GRIA3: variants seen among roughly 807,000 people sequenced by gnomAD.
The protein encoded by GRIA3 is glutamate receptor 3.
In GRIA3, 3 loss-of-function variants were observed where a neutral mutation model predicts 63.0. The ratio of observed to expected loss-of-function variants is 0.05; its 90% CI spans 0.02 to 0.12. The LOEUF (loss-of-function observed/expected upper bound fraction) is 0.12. Among genes scored for constraint, GRIA3 ranks in the 10% least tolerant of loss-of-function variants. The probability of loss-of-function intolerance (pLI) is 1.00; values close to 1 mark genes in which losing one functional copy is unlikely to be tolerated. For synonymous variants in GRIA3, 274 were observed against 257.9 expected, an observed-to-expected ratio of 1.06 and a Z score of -0.60; for missense variants, 347 against 700.9, an observed-to-expected ratio of 0.50 and a Z score of 5.70.
At chrX:123,244,452 G>A (rs2044346930) in intron 2 of GRIA3, among the ~76,000 whole-genome samples, 1 of 112,587 alleles carries the variant, frequency 8.9e-6, no homozygotes, top group African/African-American at 3.2e-5. Flanking sequence ...GCAGGATCAG[G>A]AAGATAGCTG....
intron 4 of GRIA3, among the ~76,000 whole-genome samples, chrX:123,350,888 A>C (rs1314579512): frequency 8.9e-6 from 1 of 112,375 alleles, no homozygotes; most frequent in Non-Finnish European, 1.9e-5. Context: ...CCTTAAAACA[A>C]TAAATTTTAT....
At chrX:123,328,736 T>C (rs1359349055) in intron 4 of GRIA3, among the ~76,000 whole-genome samples, 2 of 112,121 alleles carry the variant, frequency 1.8e-5, no homozygotes, top group Non-Finnish European at 3.8e-5. Flanking sequence ...AATTTTGCTG[T>C]ATTTCCATCC....
intron 3 of GRIA3, among the ~76,000 whole-genome samples, chrX:123,321,851 G>A (rs1320977957): frequency 8.9e-6 from 1 of 111,737 alleles, no homozygotes; most frequent in Non-Finnish European, 1.9e-5. Context: ...AGGGCACAAA[G>A]AGAAAATGAG....
chrX:123,218,342 A>G (rs775866675), intron 2 of GRIA3, among the ~76,000 whole-genome samples: 1 of 112,560 alleles, frequency 8.9e-6, no homozygotes, highest in Non-Finnish European at 1.9e-5. Context: ...CTGACTTCCT[A>G]ACATACTGTT....
rs147994519 is a variant in GRIA3 at position 123,486,255 on chromosome X, A to C, written c.*3-2458A>C. ...TGTTAGGACATAATGTTGCCATCCA[A>C]AAGTGGCGGCCTGGAACATCAAACC... is the stretch of plus-strand genomic sequence containing the variant. On this transcript the variant is annotated intron_variant, in intron 15 of 15. Transcript: ENST00000620443. 3.5e-3 allele frequency among the ~76,000 whole-genome samples: 389 copies of C among 111,777 alleles called. 2 individuals carry two copies. The highest frequency in any genetic ancestry group is 0.023 in the Middle Eastern group (5 of 218).
chrX:123,475,302 CTT>C (rs756422526), intron 13 of GRIA3, among the ~76,000 whole-genome samples: 4 of 112,274 alleles, frequency 3.6e-5, no homozygotes, highest in African/African-American at 1.3e-4. Flanking sequence ...AATATTTACT[CTT>C]TGTTTCATTT....
At chrX:123,271,855 A>C (rs1603060511) in intron 3 of GRIA3, among the ~76,000 whole-genome samples, 1 of 112,224 alleles carries the variant, frequency 8.9e-6, no homozygotes, top group African/African-American at 3.2e-5. Context: ...ACTCCCAGTG[A>C]AAGTGTTCTT....
intron 3 of GRIA3, among the ~76,000 whole-genome samples, chrX:123,275,419 C>T (rs2044548744): frequency 8.9e-6 from 1 of 112,364 alleles, no homozygotes; most frequent in Non-Finnish European, 1.9e-5. Context: ...CTAGGCTTTA[C>T]CACTTCTCTA....
chrX:123,488,723 A>G lies in GRIA3; in HGVS notation c.*13A>G, dbSNP rs1395082277. The G allele has an allele frequency of 9.0e-6, 1 of 111,434 alleles. No homozygotes were observed. The highest frequency in any genetic ancestry group is 1.9e-5 in the Non-Finnish European group (1 of 53,044). 9.2% of individuals were successfully genotyped at this position (111,434 alleles called of 1,213,427 possible). A position where few individuals can be genotyped will look rare whatever the true frequency, so the allele number is the denominator to read the frequency against. On this transcript the variant is annotated 3_prime_UTR_variant, in exon 16 of 16. Transcript: ENST00000620443. ...CCCTTGCCTTTGCAGATCCCTTCCC[A>G]CTGGAGGCATGTGATGAGAGGAAAT...
intron 2 of GRIA3, among the ~76,000 whole-genome samples, chrX:123,249,085 G>T (rs1226556274): frequency 1.8e-5 from 2 of 111,392 alleles, no homozygotes; most frequent in Admixed American, 1.9e-4. Context: ...TCTGGAGTAG[G>T]GATGGTGAGG....
intron 14 of GRIA3, among the ~76,000 whole-genome samples, chrX:123,481,841 T>A (rs1428315118): frequency 8.9e-6 from 1 of 112,034 alleles, no homozygotes; most frequent in Admixed American, 9.5e-5. Context: ...TTAGTCAGAT[T>A]TGCACAGTTT....
At chrX:123,213,600 T>A (rs910335621) in intron 2 of GRIA3, among the ~76,000 whole-genome samples, 1 of 112,131 alleles carries the variant, frequency 8.9e-6, no homozygotes, top group Non-Finnish European at 1.9e-5. Context: ...AGTTTAAGAA[T>A]AATTTCCATA....
rs757394178 is a variant in GRIA3, at chrX:123,428,040, G to A, written c.1977G>A (p.Glu659=). The A allele has an allele frequency of 1.2e-5, 14 of 1,193,960 alleles. No individual in the cohort carries two copies. The highest frequency in any genetic ancestry group is 1.6e-5 in the Non-Finnish European group (14 of 881,136). ...ATCTCGCTGCTTTCCTGACTGTGGA[G>A]AGGATGGTTTCTCCCATAGAGAGTG... ...TANLAAFLTV[E]RMVSPIESAE... is the part of the protein sequence containing the mutation. Residue 659 remains glutamate (E), a synonymous_variant, in exon 12 of 16, where the codon GAG becomes GAA. Coordinates refer to ENST00000620443, the MANE Select transcript of GRIA3 (RefSeq NM_007325.5).
chrX:123,222,039 A>G lies in GRIA3; in HGVS notation c.269-31264A>G, dbSNP rs954825632. Among the ~76,000 whole-genome samples, 4 of 111,475 alleles carry G rather than the reference A, an allele frequency of 3.6e-5. No individual in the cohort carries two copies. The East Asian group carries it at 8.5e-4, about 24-fold the overall frequency. On this transcript the variant is annotated intron_variant, in intron 2 of 15. Transcript: ENST00000620443. ...GTAAGCATTCCTACAAATGCTAAAT[A>G]TCACCATTTCATTGGTCAATAAGGG...
chrX:123,332,616 G>A (rs62594107), intron 4 of GRIA3, among the ~76,000 whole-genome samples: 31 of 111,058 alleles, frequency 2.8e-4, no homozygotes, highest in African/African-American at 8.5e-4. Context: ...AGATTCAACC[G>A]GAAGTCATCA....
intron 2 of GRIA3, among the ~76,000 whole-genome samples, chrX:123,242,683 G>A (rs2044336382): frequency 8.9e-6 from 1 of 112,246 alleles, no homozygotes; most frequent in South Asian, 3.7e-4. Flanking sequence ...AGGGACTTTT[G>A]TAATTTTTAA....
chrX:123,358,783 G>C (rs1307125974), intron 5 of GRIA3: 1 of 112,119 alleles, frequency 8.9e-6, no homozygotes, highest in African/African-American at 3.2e-5. Flanking sequence ...CAGTCAAGCA[G>C]CCTCTCAATC....
chrX:123,356,846 G>A, intron 5 of GRIA3, among the ~76,000 whole-genome samples: 1 of 111,717 alleles, frequency 9.0e-6, no homozygotes, highest in Middle Eastern at 4.6e-3. Flanking sequence ...CTTTAACTCA[G>A]GTGGGAGTGG....
At chrX:123,297,094 T>C (rs1471850496) in intron 3 of GRIA3, among the ~76,000 whole-genome samples, 1 of 111,396 alleles carries the variant, frequency 9.0e-6, no homozygotes, top group Non-Finnish European at 1.9e-5. Context: ...GTGTGGTCCA[T>C]AGACCAGAAG....
Sources: allele counts gnomAD v4.1 joint callset (sites outside exome capture counted in the v4.1 genomes callset), GRCh38; gene constraint gnomAD v4.1.1; transcripts MANE v1.5; gene names NCBI Gene and HGNC (gene_info 2026-07-23, HGNC 2026-07-21).